CSMD1: variants seen among roughly 807,000 people sequenced by gnomAD.
CSMD1 encodes the protein CUB and Sushi multiple domains 1.
A neutral mutation model predicts 417.5 loss-of-function variants in CSMD1; 213 were observed. That is an observed-to-expected ratio of 0.51 (90% CI 0.46 to 0.57). CSMD1 has a LOEUF of 0.57. Among genes scored for constraint, CSMD1 ranks in the 20% least tolerant of loss-of-function variants. CSMD1 has a pLI of 0.00. For synonymous variants in CSMD1, 2,862 were observed against 1,736.8 expected (o/e 1.65, Z -16.11); for missense variants, 6,923 against 4,529.7 (o/e 1.53, Z -15.17).
chr8:4,772,881 G>A (rs926228891), intron 1 of CSMD1, among the ~76,000 whole-genome samples: 1 of 152,120 alleles, frequency 6.6e-6, no homozygotes, highest in Non-Finnish European at 1.5e-5. Flanking sequence ...ATTTAATCCT[G>A]TTATTAATGA....
At chr8:3,955,035 T>G (rs112381402) in intron 5 of CSMD1, among the ~76,000 whole-genome samples, 1 of 152,324 alleles carries the variant, frequency 6.6e-6, no homozygotes, top group Non-Finnish European at 1.5e-5. Context: ...ACTGCTAATT[T>G]ATCATTTTCA....
intron 3 of CSMD1, among the ~76,000 whole-genome samples, chr8:4,247,590 G>T (rs1303956866): frequency 3.9e-5 from 6 of 152,056 alleles, no homozygotes; most frequent in Non-Finnish European, 8.8e-5. Context: ...TTGTTAAATG[G>T]CCCTGCATTA....
chr8:4,455,620 T>G (rs1430242305), intron 2 of CSMD1, among the ~76,000 whole-genome samples: 1 of 151,770 alleles, frequency 6.6e-6, no homozygotes, highest in Non-Finnish European at 1.5e-5. Flanking sequence ...ATTTTCTCTT[T>G]CAGGAGGAAA....
At chr8:3,303,844 T>C (rs886431422) in intron 25 of CSMD1, among the ~76,000 whole-genome samples, 1 of 152,170 alleles carries the variant, frequency 6.6e-6, no homozygotes, top group African/African-American at 2.4e-5. Context: ...AGACTTTTAA[T>C]TAAATTTGGC....
intron 2 of CSMD1, among the ~76,000 whole-genome samples, chr8:4,534,226 T>C (rs1184173254): frequency 6.6e-6 from 1 of 152,108 alleles, no homozygotes; most frequent in Non-Finnish European, 1.5e-5. Flanking sequence ...CAGAAAGAAA[T>C]ACCTTCTGCG....
chr8:4,804,351 T>A (rs892175683), intron 1 of CSMD1, among the ~76,000 whole-genome samples: 2 of 152,166 alleles, frequency 1.3e-5, no homozygotes, highest in African/African-American at 2.4e-5. Context: ...ATTTTAAATA[T>A]AATAGAGAAT....
intron 36 of CSMD1, among the ~76,000 whole-genome samples, chr8:3,185,461 G>A (rs970371791): frequency 1.3e-5 from 2 of 152,104 alleles, no homozygotes; most frequent in Non-Finnish European, 2.9e-5. Flanking sequence ...TGCTGGTAAT[G>A]CCTGCATTTG....
At chr8:3,864,585 A>G (rs1804953132) in intron 5 of CSMD1, among the ~76,000 whole-genome samples, 1 of 152,190 alleles carries the variant, frequency 6.6e-6, no homozygotes, top group East Asian at 1.9e-4. Flanking sequence ...GTCATTTAGC[A>G]CTAGGTATAT....
chr8:4,156,490 C>T (rs1006067146), intron 3 of CSMD1, among the ~76,000 whole-genome samples: 1 of 152,234 alleles, frequency 6.6e-6, no homozygotes, highest in African/African-American at 2.4e-5. Flanking sequence ...ATGTCCAATT[C>T]TTTATCTTCC....
At chr8:3,519,201 G>A (rs1797401975) in intron 10 of CSMD1, among the ~76,000 whole-genome samples, 2 of 152,162 alleles carry the variant, frequency 1.3e-5, no homozygotes, top group Non-Finnish European at 2.9e-5. Context: ...AATTATCACT[G>A]AAGGGCAAAA....
chr8:4,526,790 C>CA, intron 2 of CSMD1, among the ~76,000 whole-genome samples: 1 of 152,274 alleles, frequency 6.6e-6, no homozygotes, highest in South Asian at 2.1e-4. Flanking sequence ...CCTGAATTTT[C>CA]TTTCAAGATA....
intron 3 of CSMD1, among the ~76,000 whole-genome samples, chr8:4,086,398 C>T (rs1477412954): frequency 6.6e-6 from 1 of 152,178 alleles, no homozygotes; most frequent in Admixed American, 6.5e-5. Context: ...TACAGGCAGA[C>T]AGACTTGTAA....
intron 1 of CSMD1, among the ~76,000 whole-genome samples, chr8:4,668,416 A>ATTATTG (rs1469076266): frequency 0.023 from 590 of 26,184 alleles, 3 homozygotes; most frequent in African/African-American, 0.083. Context: ...GATGTTTTCC[A>ATTATTG]TTATTATTAT....
intron 26 of CSMD1, among the ~76,000 whole-genome samples, chr8:3,250,205 C>T (rs1214142902): frequency 6.6e-6 from 1 of 152,198 alleles, no homozygotes; most frequent in East Asian, 1.9e-4. Flanking sequence ...CTATCCCTCC[C>T]TGATCCCCCC....
At chr8:4,970,993 G>C (rs77263290) in intron 1 of CSMD1, among the ~76,000 whole-genome samples, 2 of 152,018 alleles carry the variant, frequency 1.3e-5, no homozygotes, top group East Asian at 3.9e-4. Flanking sequence ...TGTTATTTAT[G>C]GTCCTTTGTA....
intron 49 of CSMD1, among the ~76,000 whole-genome samples, chr8:3,057,236 AAAC>A (rs1256403580): frequency 6.6e-6 from 1 of 152,200 alleles, no homozygotes; most frequent in African/African-American, 2.4e-5. Context: ...AATTTCATAA[AAAC>A]ATCATCATCT....
intron 5 of CSMD1, among the ~76,000 whole-genome samples, chr8:3,967,916 C>T (rs1488530041): frequency 6.6e-6 from 1 of 150,424 alleles, no homozygotes; most frequent in African/African-American, 2.4e-5. Context: ...ACGTGTAATC[C>T]CAGCACTTTG....
rs191830871 is a variant in CSMD1, at chr8:3,261,546, T to G, written c.4153+22598A>C. 2.0e-4 allele frequency among the ~76,000 whole-genome samples: 31 copies of G among 152,208 alleles called. No individual in the cohort carries two copies. The East Asian group carries it at 5.8e-3, about 28-fold the overall frequency. On this transcript the variant is annotated intron_variant, in intron 26 of 69. Coordinates refer to ENST00000635120, the MANE Select transcript of CSMD1 (RefSeq NM_033225.6). ...TAATTTTGAAAAGAAAACCTGCGCG[T>G]GAATGTTCATCACAGCTGTACTCAT...
At chr8:3,829,099 G>C (rs1447242536) in intron 5 of CSMD1, among the ~76,000 whole-genome samples, 1 of 151,856 alleles carries the variant, frequency 6.6e-6, no homozygotes, top group Non-Finnish European at 1.5e-5. Flanking sequence ...TTCTTTAGTG[G>C]AGTTTTATGA....
Sources: allele counts gnomAD v4.1 joint callset (sites outside exome capture counted in the v4.1 genomes callset), GRCh38; gene constraint gnomAD v4.1.1; transcripts MANE v1.5; gene names NCBI Gene and HGNC (gene_info 2026-07-23, HGNC 2026-07-21).